LRMDA: variants seen among roughly 807,000 people sequenced by gnomAD.
LRMDA encodes the protein leucine rich melanocyte differentiation associated.
Under a neutral mutation model 29.8 loss-of-function variants are expected in LRMDA, and 18 were observed. The ratio of observed to expected loss-of-function variants is 0.60; its 90% confidence interval spans 0.42 to 0.90. The LOEUF is 0.90. Among genes scored for constraint, LRMDA ranks in the 40% least tolerant of loss-of-function variants. The pLI, the probability that LRMDA is intolerant of heterozygous loss-of-function variation, is 0.00. For missense variants in LRMDA, 273 were observed against 273.9 expected, an observed-to-expected ratio of 1.00 and a Z score of 0.02; for synonymous variants, 125 against 109.4, an observed-to-expected ratio of 1.14 and a Z score of -0.89.
intron 2 of LRMDA, among the ~76,000 whole-genome samples, chr10:76,005,455 T>C (rs1001696124): frequency 3.9e-5 from 6 of 151,992 alleles, no homozygotes; most frequent in African/African-American, 1.5e-4. Flanking sequence ...CATAGGAAGT[T>C]TGGGGTTAAA....
intron 2 of LRMDA, among the ~76,000 whole-genome samples, chr10:75,533,641 A>G (rs1287955212): frequency 6.6e-6 from 1 of 152,176 alleles, no homozygotes; most frequent in Non-Finnish European, 1.5e-5. Context: ...TTTCTGGAAA[A>G]TCATGGAGTG....
At chr10:75,477,783 G>A (rs574567388) in intron 2 of LRMDA, among the ~76,000 whole-genome samples, 1 of 152,322 alleles carries the variant, frequency 6.6e-6, no homozygotes, top group South Asian at 2.1e-4. Flanking sequence ...ACCATGTGTG[G>A]CCATCTGTAT....
At chr10:76,375,979 A>T (rs1323157087) in intron 6 of LRMDA, among the ~76,000 whole-genome samples, 1 of 152,156 alleles carries the variant, frequency 6.6e-6, no homozygotes, top group Non-Finnish European at 1.5e-5. Flanking sequence ...CACAGGACAG[A>T]TGGAAACGTG....
chr10:76,219,050 C>T (rs1851779247), intron 5 of LRMDA, among the ~76,000 whole-genome samples: 1 of 152,106 alleles, frequency 6.6e-6, no homozygotes, highest in Admixed American at 6.5e-5. Flanking sequence ...CCCAAAGGCA[C>T]TGGGAGAATG....
intron 2 of LRMDA, among the ~76,000 whole-genome samples, chr10:75,937,041 C>T (rs989453524): frequency 3.3e-5 from 5 of 152,060 alleles, no homozygotes; most frequent in Non-Finnish European, 5.9e-5. Context: ...AAAATGATGA[C>T]TCATATAGTT....
rs184799419 is a variant in LRMDA at position 76,440,266 on chromosome 10, A to G, written c.601+115781A>G. Reference sequence around the variant, plus strand: ...TGTAAGATTTAGATAATATCAGGCAATAGTGAATGGGATGAGTCCTATCAT... The same window carrying G: ...TGTAAGATTTAGATAATATCAGGCAGTAGTGAATGGGATGAGTCCTATCAT... On this transcript the variant is annotated intron_variant, in intron 6 of 6. Transcript: ENST00000611255. 5.9e-4 allele frequency among the ~76,000 whole-genome samples: 90 copies of G among 152,354 alleles called. 1 individual carries two copies. Among genetic ancestry groups the G allele is most frequent in the South Asian group, 4.6e-3 (22 of 4,830 alleles).
intron 5 of LRMDA, among the ~76,000 whole-genome samples, chr10:76,320,629 G>A (rs1458881312): frequency 6.6e-6 from 1 of 152,118 alleles, no homozygotes; most frequent in African/African-American, 2.4e-5. Flanking sequence ...AAAAATTTCA[G>A]GCTTAAGTCT....
intron 6 of LRMDA, among the ~76,000 whole-genome samples, chr10:76,417,498 C>T (rs1303430695): frequency 6.6e-6 from 1 of 151,906 alleles, no homozygotes; most frequent in Non-Finnish European, 1.5e-5. Context: ...TGGCAATGGC[C>T]CCTGCCCCCC....
chr10:76,066,966 G>A (rs1379615462), intron 5 of LRMDA, among the ~76,000 whole-genome samples: 13 of 152,204 alleles, frequency 8.5e-5, no homozygotes. Flanking sequence ...CTGGTCTGAG[G>A]CTGCCACAGT....
chr10:76,223,127 G>C (rs997733886), intron 5 of LRMDA, among the ~76,000 whole-genome samples: 2 of 151,086 alleles, frequency 1.3e-5, no homozygotes, highest in African/African-American at 4.9e-5. Flanking sequence ...GGGGTGGGGG[G>C]AGTGGGGAGG....
At chr10:75,972,939 A>G (rs951214147) in intron 2 of LRMDA, among the ~76,000 whole-genome samples, 6 of 152,088 alleles carry the variant, frequency 3.9e-5, no homozygotes, top group Non-Finnish European at 7.4e-5. Flanking sequence ...GGTTGTGTTG[A>G]GTTCCTCTAC....
chr10:76,185,731 G>A (rs957635717), intron 5 of LRMDA, among the ~76,000 whole-genome samples: 1 of 152,082 alleles, frequency 6.6e-6, no homozygotes, highest in Non-Finnish European at 1.5e-5. Context: ...TTTTGAAATC[G>A]GTCTGGTAAG....
chr10:76,173,786 G>A (rs758680114), intron 5 of LRMDA, among the ~76,000 whole-genome samples: 1 of 151,812 alleles, frequency 6.6e-6, no homozygotes, highest in Admixed American at 6.6e-5. Flanking sequence ...TCAGCCTCCC[G>A]AGTAGCTGGG....
chr10:76,257,627 C>G, intron 5 of LRMDA, among the ~76,000 whole-genome samples: 1 of 152,066 alleles, frequency 6.6e-6, no homozygotes. Flanking sequence ...AGCCACGGCA[C>G]CTGGCCAGCA....
intron 2 of LRMDA, among the ~76,000 whole-genome samples, chr10:75,469,202 A>G (rs188483146): frequency 8.3e-4 from 127 of 152,124 alleles, no homozygotes; most frequent in Middle Eastern, 3.4e-3. Flanking sequence ...AGGAAAAAAA[A>G]AGAGAGAGAT....
chr10:75,775,953 G>A (rs539290739), intron 2 of LRMDA, among the ~76,000 whole-genome samples: 2 of 152,258 alleles, frequency 1.3e-5, no homozygotes, highest in East Asian at 3.9e-4. Flanking sequence ...AGACCTGGGG[G>A]CCAGGACACT....
intron 5 of LRMDA, among the ~76,000 whole-genome samples, chr10:76,320,793 A>G (rs1223783922): frequency 1.3e-5 from 2 of 152,252 alleles, no homozygotes; most frequent in Non-Finnish European, 2.9e-5. Context: ...CTTTCTCTCC[A>G]CATCACACTA....
chr10:76,479,246 A>G (rs888774775), intron 6 of LRMDA, among the ~76,000 whole-genome samples: 4 of 151,826 alleles, frequency 2.6e-5, no homozygotes, highest in African/African-American at 9.7e-5. Context: ...TTATCTTATG[A>G]TAATGTTTGC....
At chr10:76,412,070 T>G (rs1282532306) in intron 6 of LRMDA, among the ~76,000 whole-genome samples, 3 of 152,218 alleles carry the variant, frequency 2.0e-5, no homozygotes, top group Non-Finnish European at 4.4e-5. Flanking sequence ...CCCTTTGAAT[T>G]CTCTCGAAAT....
Sources: allele counts gnomAD v4.1 joint callset (sites outside exome capture counted in the v4.1 genomes callset), GRCh38; gene constraint gnomAD v4.1.1; transcripts MANE v1.5; gene names NCBI Gene and HGNC (gene_info 2026-07-23, HGNC 2026-07-21).